ZMAT4: variants seen among roughly 807,000 people sequenced by gnomAD.
The protein encoded by ZMAT4 is zinc finger matrin-type protein 4.
In ZMAT4, 17 loss-of-function variants were observed where a neutral mutation model predicts 28.7. The observed-to-expected ratio is 0.59, with a 90% confidence interval of 0.41 to 0.89. ZMAT4 has a LOEUF of 0.89. Among genes scored for constraint, ZMAT4 ranks in the 40% least tolerant of loss-of-function variants. ZMAT4 has a pLI of 0.00. For missense variants in ZMAT4, 240 were observed against 283.8 expected, an observed-to-expected ratio of 0.85 and a Z score of 1.11; for synonymous variants, 117 against 109.2, an observed-to-expected ratio of 1.07 and a Z score of -0.44.
chr8:40,757,706 T>A (rs1397040012), intron 3 of ZMAT4, among the ~76,000 whole-genome samples: 2 of 152,122 alleles, frequency 1.3e-5, no homozygotes, highest in African/African-American at 2.4e-5. Context: ...GGAAGGGCAA[T>A]GAATTACCTC....
intron 3 of ZMAT4, among the ~76,000 whole-genome samples, chr8:40,700,918 C>G (rs1051527042): frequency 6.6e-6 from 1 of 152,210 alleles, no homozygotes; most frequent in African/African-American, 2.4e-5. Flanking sequence ...GAGGAGCCAG[C>G]ACCTAGCACC....
At chr8:40,701,388 A>G (rs1023559586) in intron 3 of ZMAT4, among the ~76,000 whole-genome samples, 1 of 152,216 alleles carries the variant, frequency 6.6e-6, no homozygotes, top group Non-Finnish European at 1.5e-5. Flanking sequence ...CTTTCATGCC[A>G]ACAGTACACA....
chr8:40,604,268 T>C (rs781054290), intron 5 of ZMAT4, among the ~76,000 whole-genome samples: 13 of 152,352 alleles, frequency 8.5e-5, no homozygotes, highest in Non-Finnish European at 1.6e-4. Flanking sequence ...TAAATAGAAG[T>C]GGTGAAAGTG....
At chr8:40,651,458 C>A (rs1419342492) in intron 5 of ZMAT4, among the ~76,000 whole-genome samples, 1 of 151,524 alleles carries the variant, frequency 6.6e-6, no homozygotes, top group Non-Finnish European at 1.5e-5. Flanking sequence ...ACATTCCATG[C>A]TCATGGGTAG....
At chr8:40,611,023 G>A (rs1036924738) in intron 5 of ZMAT4, among the ~76,000 whole-genome samples, 1 of 151,374 alleles carries the variant, frequency 6.6e-6, no homozygotes, top group Non-Finnish European at 1.5e-5. Context: ...TGGCATCTGC[G>A]AGTTCTGAGA....
At chr8:40,710,632 A>G (rs1241129267) in intron 3 of ZMAT4, among the ~76,000 whole-genome samples, 1 of 151,910 alleles carries the variant, frequency 6.6e-6, no homozygotes, top group African/African-American at 2.4e-5. Context: ...AAAAAAAAAA[A>G]GACTAATTCT....
At chr8:40,830,223 C>G (rs1563513403) in intron 1 of ZMAT4, among the ~76,000 whole-genome samples, 1 of 152,096 alleles carries the variant, frequency 6.6e-6, no homozygotes, top group African/African-American at 2.4e-5. Flanking sequence ...GGTACAGGTG[C>G]TTGTTTGTTA....
At chr8:40,803,465 A>G (rs1344808862) in intron 2 of ZMAT4, among the ~76,000 whole-genome samples, 4 of 152,220 alleles carry the variant, frequency 2.6e-5, no homozygotes, top group African/African-American at 9.6e-5. Flanking sequence ...GAAGGTACAC[A>G]GGTGGCAAAT....
chr8:40,561,771 T>G (rs1464934044), intron 6 of ZMAT4, among the ~76,000 whole-genome samples: 1 of 151,852 alleles, frequency 6.6e-6, no homozygotes, highest in Admixed American at 6.6e-5. Flanking sequence ...ATTATGAGAG[T>G]TTTTTGCAAT....
chr8:40,880,369 CA>C (rs542001956), intron 1 of ZMAT4, among the ~76,000 whole-genome samples: 4,435 of 122,258 alleles, frequency 0.036, 73 homozygotes, highest in South Asian at 0.082. Context: ...AACTCCATCT[CA>C]AAAAAAAAAA....
intron 5 of ZMAT4, among the ~76,000 whole-genome samples, chr8:40,587,622 G>A (rs1219476152): frequency 6.6e-6 from 1 of 151,584 alleles, no homozygotes; most frequent in Non-Finnish European, 1.5e-5. Context: ...AAGAAAGAAA[G>A]CTAAAAAATA....
In ZMAT4 at chr8:40,532,082, G is replaced by T; in HGVS notation, c.*141C>A. On this transcript the variant is annotated 3_prime_UTR_variant, in exon 7 of 7. Coordinates refer to ENST00000297737, the MANE Select transcript of ZMAT4 (RefSeq NM_024645.3). ...AACCTCATTCATTTCCAAAAATCAAGATCAGTCGTATGTGAATCTGTGAAT... is the reference window on the plus strand; with the variant it reads ...AACCTCATTCATTTCCAAAAATCAATATCAGTCGTATGTGAATCTGTGAAT... The T allele has an allele frequency of 2.9e-6, 2 of 693,396 alleles. No individual in the cohort carries two copies. Among genetic ancestry groups the T allele is most frequent in the Non-Finnish European group, 2.1e-6 (1 of 475,558 alleles). The allele number at this position is 693,396 out of a possible 1,614,324, so 43.0% of individuals were successfully genotyped here. A position where few individuals can be genotyped will look rare whatever the true frequency, so the allele number is the denominator to read the frequency against.
chr8:40,656,328 CTT>C (rs2118838490), intron 5 of ZMAT4, among the ~76,000 whole-genome samples: 1 of 152,206 alleles, frequency 6.6e-6, no homozygotes, highest in East Asian at 1.9e-4. Context: ...AATTGGAACA[CTT>C]ATACATTGCT....
At chr8:40,837,342 GA>G (rs1171610917) in intron 1 of ZMAT4, among the ~76,000 whole-genome samples, 1 of 152,212 alleles carries the variant, frequency 6.6e-6, no homozygotes, top group Non-Finnish European at 1.5e-5. Flanking sequence ...TTGGTTCCTG[GA>G]TGACTGTGTG....
intron 2 of ZMAT4, among the ~76,000 whole-genome samples, chr8:40,772,976 G>T (rs1181823813): frequency 1.1e-4 from 17 of 152,130 alleles, no homozygotes. Context: ...AGGGCATCCT[G>T]GCAAAACCCC....
intron 6 of ZMAT4, among the ~76,000 whole-genome samples, chr8:40,546,694 T>G (rs1224977589): frequency 6.6e-6 from 1 of 152,136 alleles, no homozygotes; most frequent in Non-Finnish European, 1.5e-5. Context: ...GCTGATGACC[T>G]TTCCTCCCTG....
chr8:40,749,212 C>G (rs1255489356), intron 3 of ZMAT4, among the ~76,000 whole-genome samples: 1 of 152,040 alleles, frequency 6.6e-6, no homozygotes, highest in South Asian at 2.1e-4. Context: ...AATACACTAT[C>G]AAATATCCAA....
In ZMAT4 at chr8:40,668,565, A is replaced by G. The variant is rs181993228; in HGVS notation, c.577+6139T>C. ...CAGAAAAAATTGCCCTATTCTAGGG[A>G]AAAAAAATGCCACTAAGGACACTTA... On this transcript the variant is annotated intron_variant, in intron 5 of 6. Transcript: ENST00000297737. Among the ~76,000 whole-genome samples, 86 of 151,606 alleles carry G rather than the reference A, an allele frequency of 5.7e-4. 2 individuals carry two copies. The South Asian group carries it at 0.01, about 18-fold the overall frequency.
At chr8:40,661,621 C>A (rs902330933) in intron 5 of ZMAT4, among the ~76,000 whole-genome samples, 3 of 152,130 alleles carry the variant, frequency 2.0e-5, no homozygotes, top group African/African-American at 7.2e-5. Context: ...ATTTTAGAAA[C>A]AAACAAAATA....
Sources: allele counts gnomAD v4.1 joint callset (sites outside exome capture counted in the v4.1 genomes callset), GRCh38; gene constraint gnomAD v4.1.1; transcripts MANE v1.5; gene names NCBI Gene and HGNC (gene_info 2026-07-23, HGNC 2026-07-21).